The following ATP13A3 variants were observed in gnomAD, a reference collection of about 807,000 sequenced individuals.
ATP13A3 encodes ATPase 13A3, also known as polyamine-transporting ATPase 13A3.
A neutral mutation model predicts 158.1 loss-of-function variants in ATP13A3; 59 were observed. The observed-to-expected ratio is 0.37, with a 90% CI of 0.30 to 0.46. The LOEUF (loss-of-function observed/expected upper bound fraction) is 0.46. Among genes scored for constraint, ATP13A3 ranks in the 20% least tolerant of loss-of-function variants. The pLI, the probability that ATP13A3 is intolerant of heterozygous loss-of-function variation, is 1.00. For missense variants in ATP13A3, 1,166 were observed against 1,525.2 expected, an observed-to-expected ratio of 0.76 and a Z score of 3.92; for synonymous variants, 491 against 504.3, an observed-to-expected ratio of 0.97 and a Z score of 0.35.
chr3:194,447,893 T>C lies in ATP13A3; in HGVS notation c.1267A>G (p.Ile423Val), dbSNP rs1718513899. 6.2e-7 allele frequency: 1 copy of C among 1,612,152 alleles called. No homozygotes were observed. Among genetic ancestry groups the C allele is most frequent in the South Asian group, 1.1e-5 (1 of 91,044 alleles). ...FLLCLVAVAG[I>V]GFIYTIINSI... is the part of the protein sequence containing the mutation. Reference sequence around the variant, plus strand: ...TTAATAATAGTGTAGATAAACCCAATGCCAGCAACTGCCACAAGACATAGT... The same window carrying C: ...TTAATAATAGTGTAGATAAACCCAACGCCAGCAACTGCCACAAGACATAGT... The change falls in exon 13 of 34, where the codon ATT becomes GTT. Residue 423 changes from isoleucine to valine, a missense_variant. Ile to Val is a conservative substitution (Grantham distance 29). Coordinates refer to ENST00000645319, the MANE Select transcript of ATP13A3 (RefSeq NM_001367549.1).
chr3:194,458,629 C>A (rs1719420110), intron 6 of ATP13A3, among the ~76,000 whole-genome samples: 1 of 152,138 alleles, frequency 6.6e-6, no homozygotes, highest in Non-Finnish European at 1.5e-5. Context: ...CTCAGGTGAT[C>A]CGCCCGCCTT....
chr3:194,421,431 T>C (rs1716365917), intron 30 of ATP13A3, among the ~76,000 whole-genome samples: 1 of 149,670 alleles, frequency 6.7e-6, no homozygotes, highest in Non-Finnish European at 1.5e-5. Flanking sequence ...CGGGTGCCTG[T>C]AGTCCCAGCT....
In ATP13A3 at chr3:194,448,082, CTT is replaced by C. The variant is rs372075979; in HGVS notation, c.1151-75_1151-74del. 3,371 of 1,094,820 alleles carry C rather than the reference CTT, an allele frequency of 3.1e-3. No homozygotes were observed. The highest frequency in any genetic ancestry group is 3.2e-3 in the Non-Finnish European group (2,495 of 773,728). 67.8% of individuals were successfully genotyped at this position (1,094,820 alleles called of 1,614,324 possible). Reference sequence around the variant, plus strand: ...AATTATCTCCCAAAACAGAATCTCTCTTTTTTTTTTTTTGAGACAGAGTCTCG... The same window carrying C: ...AATTATCTCCCAAAACAGAATCTCTCTTTTTTTTTTTGAGACAGAGTCTCG... On this transcript the variant is annotated intron_variant, in intron 12 of 33. Coordinates refer to ENST00000645319, the MANE Select transcript of ATP13A3 (RefSeq NM_001367549.1). This position sits in a 1 kb window ranked among gnomAD's most constrained non-coding sequence, Gnocchi z 4.0.
At chr3:194,406,251 A>G (rs1386060677) in intron 33 of ATP13A3, 135 bp from the exon 34 acceptor site, 18 of 946,266 alleles carry the variant, frequency 1.9e-5, no homozygotes, top group Non-Finnish European at 4.6e-6. Flanking sequence ...GAATGGGGGA[A>G]AAAAAAATCC....
At chr3:194,412,149 A>G in intron 33 of ATP13A3, 50 bp downstream of exon 33, 1 of 1,376,366 alleles carries the variant, frequency 7.3e-7, no homozygotes, top group South Asian at 1.2e-5. Context: ...GTACACAAGC[A>G]GAGAGCCTAG....
At chr3:194,418,647 A>T (rs2108759128) in intron 31 of ATP13A3, among the ~76,000 whole-genome samples, 2 of 152,338 alleles carry the variant, frequency 1.3e-5, no homozygotes, top group South Asian at 4.1e-4. Context: ...GGACAAGACC[A>T]AGTGTTGGCA....
At chr3:194,459,351 G>T (rs555769670) in intron 6 of ATP13A3, 120 bp downstream of exon 6, 1 of 727,872 alleles carries the variant, frequency 1.4e-6, no homozygotes, top group Non-Finnish European at 2.3e-6. Flanking sequence ...TAATTAATAC[G>T]TGAATAGAAA....
intron 2 of ATP13A3, among the ~76,000 whole-genome samples, chr3:194,463,384 G>GT (rs1481771976): frequency 1.4e-5 from 2 of 142,236 alleles, no homozygotes; most frequent in Non-Finnish European, 3.1e-5. Context: ...CTAACTTTTT[G>GT]TTTTTTTAGA....
chr3:194,463,642 C>T (rs1300142765), intron 2 of ATP13A3, among the ~76,000 whole-genome samples: 1 of 152,198 alleles, frequency 6.6e-6, no homozygotes, highest in African/African-American at 2.4e-5. Context: ...CATACCTCTA[C>T]TCATCTACCC....
At chr3:194,409,089 C>G (rs1217988171) in intron 33 of ATP13A3, among the ~76,000 whole-genome samples, 5 of 152,210 alleles carry the variant, frequency 3.3e-5, no homozygotes. Flanking sequence ...TGACCAAATT[C>G]ATCCCCTCAG....
chr3:194,422,410 T>C (rs73069198), intron 30 of ATP13A3, among the ~76,000 whole-genome samples: 4,424 of 152,316 alleles, frequency 0.029, 147 homozygotes, highest in African/African-American at 0.078. Flanking sequence ...CACTGGTGAC[T>C]GCAGGCCAGG....
rs911452123 is a variant in ATP13A3, at chr3:194,404,119, A to C, written c.*1800T>G. ...ATTTGAAATTAATATGGAAATTATA[A>C]AATGATCCAGAGAATAAGTAACTAT... On this transcript the variant is annotated 3_prime_UTR_variant, in exon 34 of 34. Transcript: ENST00000645319. 5 of 451,380 alleles carry C rather than the reference A, an allele frequency of 1.1e-5. No homozygotes were observed. Among genetic ancestry groups the C allele is most frequent in the Non-Finnish European group, 2.2e-5 (5 of 225,802 alleles). 28.0% of individuals were successfully genotyped at this position (451,380 alleles called of 1,614,324 possible).
At chr3:194,446,401 G>A (rs890279254) in intron 14 of ATP13A3, among the ~76,000 whole-genome samples, 7 of 152,130 alleles carry the variant, frequency 4.6e-5, no homozygotes, top group South Asian at 4.1e-4. Context: ...CAGTCTGCGC[G>A]AGTGTGAGTA....
intron 2 of ATP13A3, among the ~76,000 whole-genome samples, chr3:194,470,813 T>A (rs1389893136): frequency 3.3e-5 from 5 of 152,160 alleles, no homozygotes; most frequent in Admixed American, 2.6e-4. Context: ...TTTCAAAACA[T>A]TACTACTATC....
chr3:194,422,238 A>G (rs1324369838), intron 30 of ATP13A3, among the ~76,000 whole-genome samples: 1 of 152,194 alleles, frequency 6.6e-6, no homozygotes, highest in Non-Finnish European at 1.5e-5. Flanking sequence ...GATTTCAACC[A>G]AGAATAGAAG....
intron 2 of ATP13A3, among the ~76,000 whole-genome samples, chr3:194,473,819 G>A (rs1439857857): frequency 1.3e-5 from 2 of 152,160 alleles, no homozygotes; most frequent in Non-Finnish European, 2.9e-5. Flanking sequence ...ATAATTTATG[G>A]AATTAAGGAG....
intron 10 of ATP13A3, chr3:194,451,144 GACAA>G (rs1718777931): frequency 6.6e-6 from 1 of 152,032 alleles, no homozygotes; most frequent in South Asian, 2.1e-4. Context: ...TAGCCTGTAA[GACAA>G]ACACTCTTTC....
chr3:194,432,112 T>C (rs1717267740), intron 21 of ATP13A3: 3 of 426,804 alleles, frequency 7.0e-6, no homozygotes, highest in Admixed American at 4.3e-5. Flanking sequence ...AAAGAAAACA[T>C]CTCACCCACA....
At chr3:194,410,196 A>G (rs1295705688) in intron 33 of ATP13A3, among the ~76,000 whole-genome samples, 8 of 145,942 alleles carry the variant, frequency 5.5e-5, no homozygotes, top group African/African-American at 1.8e-4. Context: ...GTGGTGGCTC[A>G]CGCCTGTAAT....
Sources: gnomAD v4.1 joint callset for allele counts (sites outside exome capture counted in the v4.1 genomes callset) on GRCh38, gnomAD v4.1.1 for gene constraint, Gnocchi (gnomAD v3.1) non-coding constraint, MANE v1.5 for transcripts, NCBI Gene and HGNC (gene_info 2026-07-23, HGNC 2026-07-21) for gene names.